The following TBC1D20 variants were observed in gnomAD, a reference collection of about 807,000 sequenced individuals.
TBC1D20 encodes chromosome 20 open reading frame 140.
Under a neutral mutation model 41.6 loss-of-function variants are expected in TBC1D20, and 12 were observed. That is an observed-to-expected ratio of 0.29 (90% CI 0.18 to 0.47). The LOEUF (loss-of-function observed/expected upper bound fraction) is 0.47. TBC1D20 is among the 20% of genes least tolerant of loss of function. The pLI, the probability that TBC1D20 is intolerant of heterozygous loss-of-function variation, is 1.00. For missense variants in TBC1D20, 421 were observed against 517.4 expected (o/e 0.81, Z 1.81); for synonymous variants, 205 against 204.8 (o/e 1.00, Z -0.01).
chr20:440,306 C>T lies in TBC1D20; in HGVS notation c.710G>A (p.Arg237Gln), dbSNP rs1356229514. The change falls in exon 6 of 8, where the codon CGG becomes CAG. Residue 237 changes from arginine (R) to glutamine (Q), a missense_variant. Arg to Gln is a conservative substitution (Grantham distance 43, BLOSUM62 1). Transcript: ENST00000354200. The part of the protein sequence containing the change: ...HVLSDFRHVV[R>Q]LYDFFLACHP... ...GCAGGCCAGGAAGAAGTCATATAACCGCACGACGTGCCTGAAGTCAGACAG... is the reference window on the plus strand; with the variant it reads ...GCAGGCCAGGAAGAAGTCATATAACTGCACGACGTGCCTGAAGTCAGACAG... 10 of 1,614,056 alleles carry T rather than the reference C, an allele frequency of 6.2e-6. No homozygotes were observed. Among genetic ancestry groups the T allele is most frequent in the African/African-American group, 1.3e-5 (1 of 75,010 alleles).
intron 2 of TBC1D20, among the ~76,000 whole-genome samples, chr20:447,536 T>C (rs563914252): frequency 4.6e-5 from 7 of 152,052 alleles, no homozygotes; most frequent in Admixed American, 3.9e-4. Context: ...CGCATGTCTG[T>C]AATCCCAGCT....
chr20:445,857 A>C (rs184613368), intron 2 of TBC1D20, among the ~76,000 whole-genome samples: 1 of 152,362 alleles, frequency 6.6e-6, no homozygotes, highest in East Asian at 1.9e-4. Flanking sequence ...TCACGGTATA[A>C]AAAGATGAGG....
chr20:445,908 A>C (rs2017322259), intron 2 of TBC1D20, among the ~76,000 whole-genome samples: 1 of 152,264 alleles, frequency 6.6e-6, no homozygotes, highest in Admixed American at 6.5e-5. Flanking sequence ...CTCAGGATTC[A>C]GGGTGTGAAC....
intron 1 of TBC1D20, among the ~76,000 whole-genome samples, chr20:454,272 C>G (rs571074532): frequency 7.1e-5 from 10 of 141,164 alleles, no homozygotes; most frequent in Non-Finnish European, 1.2e-4. Flanking sequence ...AACATGGATT[C>G]ACCTGCTTAT....
intron 3 of TBC1D20, 30 bp from the exon 4 acceptor site, chr20:442,073 C>T (rs917110130): frequency 1.9e-6 from 3 of 1,556,706 alleles, no homozygotes; most frequent in Non-Finnish European, 1.7e-6. Context: ...TGCCTTTGAA[C>T]ATACCAAGCA....
Position 462,516 on chromosome 20 carries a change from C to A in TBC1D20, c.-111G>T, listed in dbSNP as rs537275302. ...CGCTCGGCATCGGCAGGCTCCCCTCCGTCGGCCAGCGGCGCGCAGGCGCGC... is the reference window on the plus strand; with the variant it reads ...CGCTCGGCATCGGCAGGCTCCCCTCAGTCGGCCAGCGGCGCGCAGGCGCGC... On this transcript the variant is annotated 5_prime_UTR_variant, in exon 1 of 8. Transcript: ENST00000354200. 1.1e-5 allele frequency: 6 copies of A among 562,228 alleles called. No homozygotes were observed. Among genetic ancestry groups the A allele is most frequent in the East Asian group, 1.4e-4 (2 of 14,770 alleles). The allele number at this position is 562,228 out of a possible 1,614,324, so 34.8% of individuals were successfully genotyped here.
intron 2 of TBC1D20, 47 bp downstream of exon 2, chr20:447,842 C>T: frequency 6.7e-7 from 1 of 1,497,812 alleles, no homozygotes; most frequent in South Asian, 1.2e-5. Context: ...TCTTTTCCCC[C>T]TGTCTCCTAG....
At chr20:444,482 A>G (rs1568576972) in intron 3 of TBC1D20, among the ~76,000 whole-genome samples, 1 of 151,408 alleles carries the variant, frequency 6.6e-6, no homozygotes, top group African/African-American at 2.5e-5. Flanking sequence ...TTCACTGTGA[A>G]AATTGAGACA....
intron 1 of TBC1D20, among the ~76,000 whole-genome samples, chr20:455,737 A>C (rs921185787): frequency 3.9e-5 from 6 of 152,112 alleles, no homozygotes; most frequent in Non-Finnish European, 5.9e-5. Context: ...GTTCGAGACC[A>C]GCCTGACCAA....
intron 2 of TBC1D20, 89 bp downstream of exon 2, chr20:447,800 G>C: frequency 8.3e-7 from 1 of 1,204,170 alleles, no homozygotes; most frequent in East Asian, 2.5e-5. Context: ...CCCTTGGTTT[G>C]AAAGGACCAT....
rs759602608 is a variant in TBC1D20 at position 447,930 on chromosome 20, T to C, written c.215A>G (p.Lys72Arg). Reference sequence around the variant, plus strand: ...GTCATTGGCATTGACATTGAGGAGCTTGGGCCACACTTTTCGTCTGATCTC... The same window carrying C: ...GTCATTGGCATTGACATTGAGGAGCCTGGGCCACACTTTTCGTCTGATCTC... ...TDEIRRKVWPKLLNVNANDPP... is the reference protein window; with the variant it reads ...TDEIRRKVWPRLLNVNANDPP... The change falls in exon 2 of 8, where the codon AAG becomes AGG. Residue 72 changes from lysine to arginine, a missense_variant. Lys to Arg is a conservative substitution (Grantham distance 26). Coordinates refer to ENST00000354200, the MANE Select transcript of TBC1D20 (RefSeq NM_144628.4). 6.2e-6 allele frequency: 10 copies of C among 1,613,958 alleles called. No homozygotes were observed. Among genetic ancestry groups the C allele is most frequent in the Non-Finnish European group, 8.5e-6 (10 of 1,179,958 alleles).
chr20:446,833 T>C (rs944600957), intron 2 of TBC1D20, among the ~76,000 whole-genome samples: 2 of 151,984 alleles, frequency 1.3e-5, no homozygotes, highest in African/African-American at 2.4e-5. Flanking sequence ...GGTTTCGCAA[T>C]GTTGCCCATG....
intron 1 of TBC1D20, among the ~76,000 whole-genome samples, chr20:460,131 A>C: frequency 6.6e-6 from 1 of 152,164 alleles, no homozygotes; most frequent in Non-Finnish European, 1.5e-5. Flanking sequence ...TTAAGCCTGC[A>C]TTATCATAAA....
intron 5 of TBC1D20, 29 bp from the exon 6 acceptor site, chr20:440,418 G>C: frequency 1.2e-6 from 2 of 1,613,158 alleles, no homozygotes; most frequent in Non-Finnish European, 1.7e-6. Context: ...CAGGTGTCAG[G>C]TCCTGTGGGC....
At position 447,123 on chromosome 20, in the gene TBC1D20, AT is replaced by A. The variant is rs752849594; in HGVS notation, c.256+765del. On this transcript the variant is annotated intron_variant, in intron 2 of 7. Coordinates refer to ENST00000354200, the MANE Select transcript of TBC1D20 (RefSeq NM_144628.4). ...GCCACCATACCTGGCTAATGTTCGT[AT>A]TTTTTTTTTTTTTTTTTAGTAGAGA... Among the ~76,000 whole-genome samples the A allele has an allele frequency of 8.4e-3, 900 of 107,238 alleles. 6 individuals are homozygous for A. The highest frequency in any genetic ancestry group is 0.019 in the African/African-American group (564 of 29,060). The allele number at this position is 107,238 out of a possible 152,430, so 70.4% of individuals were successfully genotyped here.
Position 441,944 on chromosome 20 carries a change from T to C in TBC1D20, c.437A>G (p.Tyr146Cys). The change falls in exon 4 of 8, where the codon TAC becomes TGC. Residue 146 changes from tyrosine to cysteine, a missense_variant. Transcript: ENST00000354200. ...CAGAAATGTGACCACAATGTCATGG[T>C]AGCCCTGGTAGTAGTGCAGCTGAGG... ...RNPQLHYYQG[Y>C]HDIVVTFLLV... 1 of 1,614,116 alleles carries C rather than the reference T, an allele frequency of 6.2e-7. No individual in the cohort carries two copies. Among genetic ancestry groups the C allele is most frequent in the South Asian group, 1.1e-5 (1 of 91,078 alleles).
At chr20:456,134 G>GT (rs2017535843) in intron 1 of TBC1D20, among the ~76,000 whole-genome samples, 1 of 151,878 alleles carries the variant, frequency 6.6e-6, no homozygotes, top group Non-Finnish European at 1.5e-5. Flanking sequence ...ATAGGTGGGC[G>GT]TGACGGCGTG....
rs1310722655 is a variant in TBC1D20 at position 437,828 on chromosome 20, G to A, written c.*758C>T. 6.5e-6 allele frequency: 1 copy of A among 153,436 alleles called. No homozygotes were observed. The highest frequency in any genetic ancestry group is 6.6e-5 in the Admixed American group (1 of 15,260). 9.5% of individuals were successfully genotyped at this position (153,436 alleles called of 1,614,324 possible). A position where few individuals can be genotyped will look rare whatever the true frequency, so the allele number is the denominator to read the frequency against. ...AAAAGTGAGGGTAATTTACATATGG[G>A]GTGTATATATTCTAAAAATAGTAAT... On this transcript the variant is annotated 3_prime_UTR_variant, in exon 8 of 8. Transcript: ENST00000354200.
chr20:459,324 C>A (rs988679504), intron 1 of TBC1D20, among the ~76,000 whole-genome samples: 4 of 152,238 alleles, frequency 2.6e-5, no homozygotes, highest in African/African-American at 9.6e-5. Flanking sequence ...AACGCTGTAT[C>A]TGGCTTGGAA....
Sources: gnomAD v4.1 joint callset for allele counts (sites outside exome capture counted in the v4.1 genomes callset) on GRCh38, gnomAD v4.1.1 for gene constraint, MANE v1.5 for transcripts, NCBI Gene and HGNC (gene_info 2026-07-23, HGNC 2026-07-21) for gene names.